Variants in GAREM1 observed in about 807,000 individuals in gnomAD.
The protein encoded by GAREM1 is GRB2-associated and regulator of MAPK protein 1.
GAREM1 carries 26 observed loss-of-function variants against 71.3 expected under a neutral mutation model. The observed-to-expected ratio is 0.36, with a 90% CI of 0.27 to 0.51. The LOEUF (loss-of-function observed/expected upper bound fraction) is 0.51, where lower values mean the gene tolerates loss of function less well. GAREM1 is among the 20% of genes least tolerant of loss of function. The pLI is 0.95. For missense variants in GAREM1, 1,026 were observed against 1,103.1 expected (o/e 0.93, Z 0.99); for synonymous variants, 440 against 433.2 (o/e 1.02, Z -0.20).
intron 3 of GAREM1, among the ~76,000 whole-genome samples, chr18:32,309,615 CAAAAAAAAAAAAAAAAA>C (rs11370938): frequency 1.4e-4 from 2 of 13,864 alleles, no homozygotes; most frequent in Admixed American, 1.2e-3. Context: ...GACTCAGTCT[CAAAAAAAAAAAAAAAAA>C]AAAAAAAAAA....
At chr18:32,417,814 AC>A (rs2144692460) in intron 1 of GAREM1, among the ~76,000 whole-genome samples, 1 of 152,282 alleles carries the variant, frequency 6.6e-6, no homozygotes, top group Non-Finnish European at 1.5e-5. Flanking sequence ...TTATAGAACA[AC>A]AGGGGGACTA....
chr18:32,413,133 T>C, intron 1 of GAREM1: 1 of 1,544,220 alleles, frequency 6.5e-7, no homozygotes, highest in Non-Finnish European at 8.9e-7. Context: ...AATGAAGAGC[T>C]TCCTCAGCTG....
At chr18:32,462,260 G>T (rs1192933956) in intron 1 of GAREM1, among the ~76,000 whole-genome samples, 1 of 152,146 alleles carries the variant, frequency 6.6e-6, no homozygotes, top group Non-Finnish European at 1.5e-5. Context: ...AGTATGTAAA[G>T]GTTCCCTTTT....
intron 1 of GAREM1, among the ~76,000 whole-genome samples, chr18:32,437,731 G>GA (rs957109569): frequency 3.2e-4 from 48 of 151,566 alleles, no homozygotes; most frequent in African/African-American, 1.0e-3. Context: ...AAAATGGGAG[G>GA]AAAAAAAATG....
At chr18:32,459,240 A>G (rs1225997566) in intron 1 of GAREM1, among the ~76,000 whole-genome samples, 2 of 152,164 alleles carry the variant, frequency 1.3e-5, no homozygotes, top group African/African-American at 4.8e-5. Flanking sequence ...CAAGTTATAC[A>G]ATATTATCAG....
chr18:32,329,717 A>AG (rs2047513095), intron 2 of GAREM1, among the ~76,000 whole-genome samples: 1 of 151,544 alleles, frequency 6.6e-6, no homozygotes, highest in East Asian at 1.9e-4. Context: ...AAAAAAAAAA[A>AG]AAAAAAAAGA....
At chr18:32,368,140 G>A (rs763958324) in intron 2 of GAREM1, among the ~76,000 whole-genome samples, 4 of 150,754 alleles carry the variant, frequency 2.7e-5, no homozygotes, top group Admixed American at 6.6e-5. Flanking sequence ...GGCAGCTTTC[G>A]TTCCCTCCTC....
chr18:32,309,223 G>C lies in GAREM1; in HGVS notation c.393+970C>G, dbSNP rs1265644840. ...GATTTGCAGGCAATACGATGGGCCT[G>C]GTTGGTGGCTTGCTTCTCTGGTCAG... On this transcript the variant is annotated intron_variant, in intron 3 of 5. Transcript: ENST00000269209. 1.3e-5 allele frequency among the ~76,000 whole-genome samples: 2 copies of C among 149,852 alleles called. 1 individual carries two copies. The highest frequency in any genetic ancestry group is 3.0e-5 in the Non-Finnish European group (2 of 67,480).
intron 2 of GAREM1, among the ~76,000 whole-genome samples, chr18:32,364,029 T>TATATATATG (rs1491185711): frequency 4.9e-5 from 2 of 41,170 alleles, no homozygotes; most frequent in Non-Finnish European, 4.2e-5. Flanking sequence ...TATATATATG[T>TATATATATG]TTTTTTTTTT....
rs112106214 is a variant in GAREM1, at chr18:32,305,766, C to T, written c.393+4427G>A. Among the ~76,000 whole-genome samples the T allele has an allele frequency of 1.4e-3, 220 of 152,294 alleles. 1 individual carries two copies. The highest frequency in any genetic ancestry group is 5.0e-3 in the African/African-American group (209 of 41,568). On this transcript the variant is annotated intron_variant, in intron 3 of 5. Coordinates refer to ENST00000269209, the MANE Select transcript of GAREM1 (RefSeq NM_001242409.2). ...AACTCCTGACCTCAAGTGATCCACCCGCTTTGGCCTCCCAAAGTGCTGGGA... is the reference window on the plus strand; with the variant it reads ...AACTCCTGACCTCAAGTGATCCACCTGCTTTGGCCTCCCAAAGTGCTGGGA...
chr18:32,382,448 G>A (rs756755163), intron 2 of GAREM1, among the ~76,000 whole-genome samples: 4 of 152,064 alleles, frequency 2.6e-5, no homozygotes, highest in Admixed American at 1.3e-4. Context: ...ACACAGGCGG[G>A]AACAAGGCAG....
chr18:32,375,060 G>C (rs955918435), intron 2 of GAREM1, among the ~76,000 whole-genome samples: 2 of 151,982 alleles, frequency 1.3e-5, no homozygotes, highest in African/African-American at 4.8e-5. Flanking sequence ...GTAATGCTTT[G>C]CAATTATTAT....
intron 1 of GAREM1, among the ~76,000 whole-genome samples, chr18:32,411,160 G>A (rs536026468): frequency 6.6e-6 from 1 of 152,156 alleles, no homozygotes; most frequent in East Asian, 1.9e-4. Flanking sequence ...GCTGGCTCAG[G>A]TAAATAATTC....
At chr18:32,447,454 C>A (rs1244765388) in intron 1 of GAREM1, among the ~76,000 whole-genome samples, 1 of 152,216 alleles carries the variant, frequency 6.6e-6, no homozygotes, top group South Asian at 2.1e-4. Context: ...ACTCCTTCTC[C>A]TCATATTATA....
Position 32,288,003 on chromosome 18 carries a change from G to A in GAREM1, c.594C>T (p.Leu198=), listed in dbSNP as rs1324969539. 9.3e-6 allele frequency: 15 copies of A among 1,614,154 alleles called. No individual in the cohort carries two copies. Among genetic ancestry groups the A allele is most frequent in the Non-Finnish European group, 1.3e-5 (15 of 1,180,032 alleles). The part of the protein sequence containing the change: ...SKLGKGKMPC[L]ICMNHRTNES... ...CGTTGGTCCGGTGATTCATACAAAT[G>A]AGGCACGGCATTTTGCCTTTTCCCA... is the stretch of plus-strand genomic sequence containing the variant. The change falls in exon 4 of 6, where the codon CTC becomes CTT. Residue 198 remains leucine, a synonymous_variant. Coordinates refer to ENST00000269209, the MANE Select transcript of GAREM1 (RefSeq NM_001242409.2).
intron 4 of GAREM1, among the ~76,000 whole-genome samples, chr18:32,284,342 T>C (rs1251614436): frequency 6.6e-6 from 1 of 152,228 alleles, no homozygotes; most frequent in Non-Finnish European, 1.5e-5. Flanking sequence ...TCATAAGAAG[T>C]TACAGCTTAG....
chr18:32,366,914 TATC>T (rs2047933233), intron 2 of GAREM1, among the ~76,000 whole-genome samples: 1 of 152,160 alleles, frequency 6.6e-6, no homozygotes, highest in Non-Finnish European at 1.5e-5. Context: ...AAAAACCAAG[TATC>T]ATGATATTAG....
chr18:32,391,538 T>C (rs898863636), intron 2 of GAREM1, among the ~76,000 whole-genome samples: 6 of 152,190 alleles, frequency 3.9e-5, no homozygotes, highest in Non-Finnish European at 8.8e-5. Flanking sequence ...TGAAGCAATG[T>C]AGCAATTTAC....
At chr18:32,387,741 TTGTCACCACCA>T (rs1217443659) in intron 2 of GAREM1, among the ~76,000 whole-genome samples, 1 of 152,192 alleles carries the variant, frequency 6.6e-6, no homozygotes, top group Non-Finnish European at 1.5e-5. Context: ...AAGGAGATTC[TTGTCACCACCA>T]TTTCAGTGTG....
Sources: gnomAD v4.1 joint callset for allele counts (sites outside exome capture counted in the v4.1 genomes callset) on GRCh38, gnomAD v4.1.1 for gene constraint, MANE v1.5 for transcripts, NCBI Gene and HGNC (gene_info 2026-07-23, HGNC 2026-07-21) for gene names.